MYCBP2: variants seen among roughly 807,000 people sequenced by gnomAD.
MYCBP2 encodes MYC binding protein 2.
Under a neutral mutation model 525.3 loss-of-function variants are expected in MYCBP2, and 120 were observed. That is an observed-to-expected ratio of 0.23 (90% CI 0.20 to 0.27). The LOEUF is 0.27. Among genes scored for constraint, MYCBP2 ranks in the 10% least tolerant of loss-of-function variants. The pLI is 1.00. For missense variants in MYCBP2, 4,149 were observed against 5,657.1 expected (o/e 0.73, Z 8.55); for synonymous variants, 1,894 against 1,955.8 (o/e 0.97, Z 0.83).
intron 50 of MYCBP2, 83 bp downstream of exon 50, chr13:77,140,763 T>A: frequency 1.1e-6 from 1 of 936,410 alleles, no homozygotes. Context: ...AGTAAAATGT[T>A]AGATGTTTAC....
At chr13:77,139,364 C>T in intron 51 of MYCBP2, 28 bp from the exon 52 acceptor site, 2 of 1,601,986 alleles carry the variant, frequency 1.2e-6, no homozygotes, top group East Asian at 4.5e-5. Context: ...AGAAACAAGC[C>T]AGGCCTTCCT....
Position 77,219,922 on chromosome 13 carries a change from CAT to C in MYCBP2, c.2940-1967_2940-1966del, listed in dbSNP as rs1190076562. 3.9e-5 allele frequency among the ~76,000 whole-genome samples: 6 copies of C among 152,176 alleles called. No homozygotes were observed. In the East Asian group the frequency reaches 1.2e-3, roughly 29 times the overall value. On this transcript the variant is annotated intron_variant, in intron 20 of 82. Coordinates refer to ENST00000544440, the MANE Select transcript of MYCBP2 (RefSeq NM_015057.5). Reference sequence around the variant, plus strand: ...TTTAAGTGTATATTCTTGTATTTTTCATAGAGACCCCATGTCTTTCATCAAAC... The same window carrying C: ...TTTAAGTGTATATTCTTGTATTTTTCAGAGACCCCATGTCTTTCATCAAAC...
rs544834302 is a variant in MYCBP2 at position 77,251,567 on chromosome 13, G to A, written c.2177-212C>T. 2.6e-5 allele frequency among the ~76,000 whole-genome samples: 4 copies of A among 152,256 alleles called. No homozygotes were observed. In the East Asian group the frequency reaches 7.7e-4, roughly 29 times the overall value. On this transcript the variant is annotated intron_variant, in intron 14 of 82. Coordinates refer to ENST00000544440, the MANE Select transcript of MYCBP2 (RefSeq NM_015057.5). ...CATTTCTGCAAAAGAAGGCAAGGAA[G>A]GCTATTGTCAAATGTCTCTTGGCTG...
intron 33 of MYCBP2, among the ~76,000 whole-genome samples, chr13:77,181,308 A>G (rs1391564037): frequency 1.3e-5 from 2 of 152,172 alleles, no homozygotes; most frequent in African/African-American, 2.4e-5. Flanking sequence ...TATTAAGTAG[A>G]TATTTTAAAA....
chr13:77,104,809 G>A (rs2047609854), intron 55 of MYCBP2, among the ~76,000 whole-genome samples: 1 of 152,134 alleles, frequency 6.6e-6, no homozygotes, highest in Non-Finnish European at 1.5e-5. Context: ...CTGGAATGCA[G>A]TGGGCTCAAG....
intron 24 of MYCBP2, 23 bp from the exon 25 acceptor site, chr13:77,205,621 T>C (rs754946242): frequency 1.9e-6 from 3 of 1,599,348 alleles, no homozygotes; most frequent in Non-Finnish European, 2.6e-6. Flanking sequence ...AGAAACAAAA[T>C]TTAACTCCTT....
At chr13:77,128,474 T>C (rs1276537455) in intron 52 of MYCBP2, among the ~76,000 whole-genome samples, 5 of 151,824 alleles carry the variant, frequency 3.3e-5, no homozygotes, top group African/African-American at 9.7e-5. Context: ...ACACTGGGAG[T>C]TAAGCCTTGG....
rs1362499565 is a variant in MYCBP2 at position 77,156,027 on chromosome 13, A to T, written c.6915+31T>A. On this transcript the variant is annotated intron_variant, in intron 46 of 82. Coordinates refer to ENST00000544440, the MANE Select transcript of MYCBP2 (RefSeq NM_015057.5). ...ATCAGTCATTGCAGCCAGTATATAG[A>T]TGTCTGCTAATTTAATCCAGTTATA... The T allele has an allele frequency of 3.7e-6, 6 of 1,600,374 alleles. No homozygotes were observed. The South Asian group carries it at 6.7e-5, about 18-fold the overall frequency.
rs1366005439 is a variant in MYCBP2, at chr13:77,278,805, T to C, written c.701A>G (p.Gln234Arg). The C allele has an allele frequency of 3.1e-6, 5 of 1,594,870 alleles. No homozygotes were observed. Among genetic ancestry groups the C allele is most frequent in the Non-Finnish European group, 4.3e-6 (5 of 1,171,134 alleles). The change falls in exon 4 of 83, where the codon CAG becomes CGG. Residue 234 changes from glutamine to arginine, a missense_variant. Gln to Arg is a conservative substitution (Grantham distance 43). Coordinates refer to ENST00000544440, the MANE Select transcript of MYCBP2 (RefSeq NM_015057.5). ...CTGGAGGCCTTCTGGCTGCTGGCCC[T>C]GCAGCACGTTGAGCAGGGCTTGGAG... Reference protein sequence around the residue: ...RSLQALLNVLQGQQPEGLQSE... With the variant: ...RSLQALLNVLRGQQPEGLQSE...
At chr13:77,253,203 C>G (rs559198176) in intron 14 of MYCBP2, among the ~76,000 whole-genome samples, 20 of 151,828 alleles carry the variant, frequency 1.3e-4, no homozygotes, top group African/African-American at 4.3e-4. Flanking sequence ...TGTTCAAACT[C>G]AGTATTAATA....
intron 82 of MYCBP2, among the ~76,000 whole-genome samples, chr13:77,049,472 T>C (rs1479239036): frequency 6.6e-6 from 1 of 152,228 alleles, no homozygotes; most frequent in Non-Finnish European, 1.5e-5. Context: ...TGGAAGCAAC[T>C]TTCCCTAGTC....
intron 21 of MYCBP2, among the ~76,000 whole-genome samples, chr13:77,214,081 C>A (rs1050066038): frequency 2.0e-5 from 3 of 152,202 alleles, no homozygotes; most frequent in African/African-American, 7.2e-5. Flanking sequence ...TGGATCCGAA[C>A]TTTGAGGATC....
chr13:77,059,143 C>A (rs2038788135), intron 77 of MYCBP2, among the ~76,000 whole-genome samples: 1 of 151,342 alleles, frequency 6.6e-6, no homozygotes, highest in African/African-American at 2.4e-5. Flanking sequence ...AACATTTGGA[C>A]AACATAGAAT....
At chr13:77,069,305 C>A (rs2040720489) in intron 69 of MYCBP2, among the ~76,000 whole-genome samples, 2 of 152,154 alleles carry the variant, frequency 1.3e-5, no homozygotes, top group South Asian at 2.1e-4. Context: ...TGTTGTAGTT[C>A]ATTGAAAAGA....
rs148422358 is a variant in MYCBP2, at chr13:77,293,343, T to G, written c.378+3256A>C. Reference sequence around the variant, plus strand: ...GCTATGGTATACTTGAGATTGATGATCATGAATGTGTATCATTATCAGTTA... The same window carrying G: ...GCTATGGTATACTTGAGATTGATGAGCATGAATGTGTATCATTATCAGTTA... On this transcript the variant is annotated intron_variant, in intron 2 of 82. Transcript: ENST00000544440. Among the ~76,000 whole-genome samples the G allele has an allele frequency of 1.5e-3, 236 of 152,272 alleles. 1 individual carries two copies. Among genetic ancestry groups the G allele is most frequent in the African/African-American group, 5.5e-3 (227 of 41,544 alleles).
At position 77,167,025 on chromosome 13, in the gene MYCBP2, A is replaced by ACCCC. The variant is rs66928059; in HGVS notation, c.6115-472_6115-471insGGGG. 3.7e-3 allele frequency among the ~76,000 whole-genome samples: 415 copies of ACCCC among 113,060 alleles called. 2 individuals are homozygous for ACCCC. The highest frequency in any genetic ancestry group is 8.5e-3 in the Middle Eastern group (2 of 236). The allele number at this position is 113,060 out of a possible 152,430, so 74.2% of individuals were successfully genotyped here. ...CACACACACACACACACACACACAC[A>ACCCC]CCAAATGAAATAATTTAATGATTTT... On this transcript the variant is annotated intron_variant, in intron 40 of 82. Coordinates refer to ENST00000544440, the MANE Select transcript of MYCBP2 (RefSeq NM_015057.5).
intron 74 of MYCBP2, 132 bp downstream of exon 74, chr13:77,062,464 G>T (rs1566336580): frequency 1.3e-6 from 1 of 744,770 alleles, no homozygotes; most frequent in Non-Finnish European, 2.2e-6. Context: ...TTGGCCGAAG[G>T]GACACAATCT....
chr13:77,066,909 C>G (rs2040302540), intron 71 of MYCBP2, among the ~76,000 whole-genome samples: 3 of 152,022 alleles, frequency 2.0e-5, no homozygotes. Context: ...CTGTTCTTGT[C>G]ATTTATTATT....
intron 30 of MYCBP2, among the ~76,000 whole-genome samples, chr13:77,186,741 A>G (rs2060758443): frequency 6.6e-6 from 1 of 151,814 alleles, no homozygotes; most frequent in South Asian, 2.1e-4. Context: ...CTCAAAGCAG[A>G]GCACTTACTG....
Sources: gnomAD v4.1 joint callset for allele counts (sites outside exome capture counted in the v4.1 genomes callset) on GRCh38, gnomAD v4.1.1 for gene constraint, MANE v1.5 for transcripts, NCBI Gene and HGNC (gene_info 2026-07-23, HGNC 2026-07-21) for gene names.